The following MCF2L2 variants were observed in gnomAD, a reference collection of about 807,000 sequenced individuals.
The protein encoded by MCF2L2 is probable guanine nucleotide exchange factor MCF2L2.
MCF2L2 carries 102 observed loss-of-function variants against 150.2 expected under a neutral mutation model. The ratio of observed to expected loss-of-function variants is 0.68; its 90% CI spans 0.58 to 0.80. The LOEUF (loss-of-function observed/expected upper bound fraction) is 0.80. MCF2L2 is among the 30% of genes least tolerant of loss of function. MCF2L2 has a pLI of 0.00. For synonymous variants in MCF2L2, 465 were observed against 491.3 expected (o/e 0.95, Z 0.71); for missense variants, 1,256 against 1,372.8 (o/e 0.91, Z 1.34).
intron 15 of MCF2L2, chr3:183,253,475 A>G (rs1576965074): frequency 6.6e-6 from 1 of 151,856 alleles, no homozygotes; most frequent in Non-Finnish European, 1.5e-5. Context: ...ACTTGGAGGT[A>G]AAGTCACTGG....
In MCF2L2 at chr3:183,270,555, A is replaced by AC; in HGVS notation, c.1862+6316dup. 6.2e-7 allele frequency: 1 copy of AC among 1,614,200 alleles called. No individual in the cohort carries two copies. Among genetic ancestry groups the AC allele is most frequent in the Non-Finnish European group, 8.5e-7 (1 of 1,180,042 alleles). On this transcript the variant is annotated intron_variant, in intron 15 of 29. Coordinates refer to ENST00000328913, the MANE Select transcript of MCF2L2 (RefSeq NM_015078.4). This position sits in a 1 kb window ranked among gnomAD's most constrained non-coding sequence, Gnocchi z 4.5. ...CCAGTGGCCAGCTTACCCTGACTAC[A>AC]CAGCCGGAGCTGCCTATGTAATCTC...
chr3:183,261,628 A>ATT (rs1027978054), intron 15 of MCF2L2, among the ~76,000 whole-genome samples: 1 of 152,120 alleles, frequency 6.6e-6, no homozygotes, highest in Non-Finnish European at 1.5e-5. Flanking sequence ...TATTAAATTG[A>ATT]TTTTTTAAAT....
At chr3:183,416,195 C>T (rs1043214438) in intron 1 of MCF2L2, among the ~76,000 whole-genome samples, 6 of 151,954 alleles carry the variant, frequency 3.9e-5, no homozygotes, top group African/African-American at 7.2e-5. Context: ...AGTATATCTA[C>T]GTATGTTATA....
chr3:183,295,009 C>T (rs1159522489), intron 13 of MCF2L2, among the ~76,000 whole-genome samples: 2 of 152,086 alleles, frequency 1.3e-5, no homozygotes, highest in South Asian at 2.1e-4. Context: ...ATAATCCACC[C>T]GCCACGGCCT....
intron 15 of MCF2L2, chr3:183,254,576 C>T (rs1724858863): frequency 6.6e-6 from 1 of 152,132 alleles, no homozygotes; most frequent in African/African-American, 2.4e-5. Flanking sequence ...CCCTGAGGAG[C>T]TCCGGCTCCT....
At position 183,224,120 on chromosome 3, in the gene MCF2L2, C is replaced by T; in HGVS notation, c.2186G>A (p.Cys729Tyr). Residue 729 changes from cysteine (C) to tyrosine (Y), a missense_variant, in exon 19 of 30, where the codon TGT becomes TAT. Physicochemically the swap from Cys to Tyr is radical, Grantham distance 194 (BLOSUM62 -2). Transcript: ENST00000328913. ...LPRARAIWQE[C>Y]QDCAYFGVCQ... ...TACCCCAAAGTAGGCGCAGTCTTGA[C>T]ACTCTTGCCAGATTGCCCTAGCTCG... The T allele has an allele frequency of 6.2e-7, 1 of 1,613,950 alleles. No individual in the cohort carries two copies. Among genetic ancestry groups the T allele is most frequent in the Non-Finnish European group, 8.5e-7 (1 of 1,179,806 alleles).
chr3:183,421,944 A>C (rs1715907182), intron 1 of MCF2L2, among the ~76,000 whole-genome samples: 1 of 152,140 alleles, frequency 6.6e-6, no homozygotes, highest in East Asian at 1.9e-4. Context: ...GGTTTAACAG[A>C]GTTGTACTGC....
intron 1 of MCF2L2, among the ~76,000 whole-genome samples, chr3:183,420,927 T>C (rs537849506): frequency 1.3e-5 from 2 of 152,186 alleles, no homozygotes; most frequent in Admixed American, 1.3e-4. Context: ...GAGATTTGGG[T>C]GGGGACACAG....
At chr3:183,240,034 TTCTC>T (rs929341953) in intron 15 of MCF2L2, among the ~76,000 whole-genome samples, 1 of 152,202 alleles carries the variant, frequency 6.6e-6, no homozygotes, top group Non-Finnish European at 1.5e-5. Flanking sequence ...ATCCCTTATA[TTCTC>T]TCTGTCACCC....
chr3:183,380,722 C>A (rs1268829912), intron 2 of MCF2L2, among the ~76,000 whole-genome samples: 1 of 152,128 alleles, frequency 6.6e-6, no homozygotes, highest in African/African-American at 2.4e-5. Flanking sequence ...CCAACTTCAA[C>A]ATCAAATTGC....
At chr3:183,386,248 C>T (rs1350784894) in intron 2 of MCF2L2, among the ~76,000 whole-genome samples, 1 of 152,216 alleles carries the variant, frequency 6.6e-6, no homozygotes, top group Admixed American at 6.5e-5. Flanking sequence ...GTTTCCACCA[C>T]ACTAACCTGC....
intron 3 of MCF2L2, among the ~76,000 whole-genome samples, chr3:183,356,167 C>CT (rs1179074872): frequency 9.6e-6 from 1 of 103,716 alleles, no homozygotes; most frequent in African/African-American, 5.4e-5. Context: ...ATAAAATTGA[C>CT]TTAAAAAAAA....
At chr3:183,302,529 G>A (rs1296862820) in intron 10 of MCF2L2, among the ~76,000 whole-genome samples, 1 of 152,098 alleles carries the variant, frequency 6.6e-6, no homozygotes, top group African/African-American at 2.4e-5. Context: ...GGGGTGAGAG[G>A]AAAGCCCCTG....
chr3:183,188,509 A>C (rs901149766), intron 27 of MCF2L2, among the ~76,000 whole-genome samples: 3 of 152,014 alleles, frequency 2.0e-5, no homozygotes, highest in African/African-American at 7.2e-5. Context: ...GAGGGACAGC[A>C]CTCCATCCCC....
At chr3:183,353,539 C>A (rs925113321) in intron 3 of MCF2L2, among the ~76,000 whole-genome samples, 2 of 152,162 alleles carry the variant, frequency 1.3e-5, no homozygotes, top group Non-Finnish European at 2.9e-5. Flanking sequence ...AGGAAACTTA[C>A]AATCACAGTG....
chr3:183,231,692 C>A (rs1279896788), intron 15 of MCF2L2, among the ~76,000 whole-genome samples: 1 of 151,538 alleles, frequency 6.6e-6, no homozygotes, highest in Non-Finnish European at 1.5e-5. Context: ...CTGCTACTTT[C>A]AAGCAATCCT....
intron 26 of MCF2L2, among the ~76,000 whole-genome samples, 171 bp from the exon 27 acceptor site, chr3:183,193,267 A>G (rs1721963984): frequency 6.6e-6 from 1 of 152,138 alleles, no homozygotes; most frequent in African/African-American, 2.4e-5. Context: ...TCAGTAGGTG[A>G]TACGCAGTAA....
intron 1 of MCF2L2, among the ~76,000 whole-genome samples, chr3:183,422,631 C>T (rs1560068982): frequency 6.6e-6 from 1 of 152,172 alleles, no homozygotes; most frequent in Non-Finnish European, 1.5e-5. Flanking sequence ...TGGACACCTG[C>T]CCCTCCTGGC....
chr3:183,242,602 A>G (rs1724078581), intron 15 of MCF2L2, among the ~76,000 whole-genome samples: 1 of 152,190 alleles, frequency 6.6e-6, no homozygotes, highest in South Asian at 2.1e-4. Flanking sequence ...GGATGTACAG[A>G]AATGCCTGGA....
Sources: allele counts gnomAD v4.1 joint callset (sites outside exome capture counted in the v4.1 genomes callset), GRCh38; gene constraint gnomAD v4.1.1; non-coding constraint Gnocchi (gnomAD v3.1); transcripts MANE v1.5; gene names NCBI Gene and HGNC (gene_info 2026-07-23, HGNC 2026-07-21).